Variants in NIPBL observed in about 807,000 individuals in gnomAD.
The protein encoded by NIPBL is nipped-B-like protein.
In NIPBL, 19 loss-of-function variants were observed where a neutral mutation model predicts 321.8. The ratio of observed to expected loss-of-function variants is 0.06; its 90% CI spans 0.04 to 0.09. NIPBL has a LOEUF of 0.09. Ranked by LOEUF, NIPBL falls within the 10% of genes least tolerant of loss-of-function variation. The probability of loss-of-function intolerance (pLI) is 1.00; values close to 1 mark genes in which losing one functional copy is unlikely to be tolerated. For synonymous variants in NIPBL, 1,106 were observed against 1,114.1 expected (o/e 0.99, Z 0.14); for missense variants, 2,210 against 3,327.0 (o/e 0.66, Z 8.26).
chr5:37,065,024 A>C lies in NIPBL; in HGVS notation c.*132A>C. On this transcript the variant is annotated 3_prime_UTR_variant, in exon 47 of 47. Coordinates refer to ENST00000282516, the MANE Select transcript of NIPBL (RefSeq NM_133433.4). ...GAACCTGGGATGCAGGAACAAAAGA[A>C]GGAAATGTTGGGCAAACATTTTTGT... is the stretch of plus-strand genomic sequence containing the variant. 1 of 1,102,786 alleles carries C rather than the reference A, an allele frequency of 9.1e-7. No homozygotes were observed. Among genetic ancestry groups the C allele is most frequent in the Non-Finnish European group, 1.3e-6 (1 of 754,948 alleles). 68.3% of individuals were successfully genotyped at this position (1,102,786 alleles called of 1,614,324 possible).
At chr5:37,027,495 A>G (rs1580516007) in intron 32 of NIPBL, 83 bp downstream of exon 32, 6 of 942,030 alleles carry the variant, frequency 6.4e-6, no homozygotes, top group African/African-American at 1.8e-5. Flanking sequence ...TTTGGACTGT[A>G]TGATTTAAAA....
intron 16 of NIPBL, among the ~76,000 whole-genome samples, chr5:37,005,185 T>A (rs1747282651): frequency 6.6e-6 from 1 of 152,202 alleles, no homozygotes; most frequent in Non-Finnish European, 1.5e-5. Flanking sequence ...ATTGGACACT[T>A]CTGGAATAAA....
In NIPBL at chr5:37,045,344, T is replaced by TC. The variant is rs1282643752; in HGVS notation, c.6344-97dup. 4.4e-6 allele frequency: 4 copies of TC among 908,410 alleles called. No homozygotes were observed. The African/African-American group carries it at 6.8e-5, about 15-fold the overall frequency. 56.3% of individuals were successfully genotyped at this position (908,410 alleles called of 1,614,324 possible). On this transcript the variant is annotated intron_variant, in intron 36 of 46. Transcript: ENST00000282516. ...ACTCCAGCCTGGGTGACAGTGAGAC[T>TC]CCATCTCAAAAAAAAAATTGTAATT...
At chr5:37,045,179 C>A (rs1197906246) in intron 36 of NIPBL, among the ~76,000 whole-genome samples, 1 of 151,970 alleles carries the variant, frequency 6.6e-6, no homozygotes, top group East Asian at 1.9e-4. Context: ...TGGTGAAACC[C>A]CGTCTCTCTA....
chr5:37,032,386 CGTGTGTGTGTGTGTGTGTGTGT>C (rs58831894), intron 32 of NIPBL, among the ~76,000 whole-genome samples: 112 of 123,600 alleles, frequency 9.1e-4, no homozygotes, highest in Admixed American at 1.9e-3. Context: ...TACATGTATA[CGTGTGTGTGTGTGTGTGTGTGT>C]GTGTGTGTGT....
intron 15 of NIPBL, 44 bp from the exon 16 acceptor site, chr5:37,003,217 A>G: frequency 9.0e-7 from 1 of 1,111,806 alleles, no homozygotes; most frequent in Non-Finnish European, 1.4e-6. Flanking sequence ...AATAATATAT[A>G]ACTTTTACCA....
intron 43 of NIPBL, among the ~76,000 whole-genome samples, chr5:37,058,084 A>G (rs1425331159): frequency 1.3e-5 from 2 of 152,182 alleles, no homozygotes; most frequent in South Asian, 2.1e-4. Context: ...AACCCTTACT[A>G]CTTGAAGTAT....
Position 37,061,025 on chromosome 5 carries a change from A to G in NIPBL, c.7860+7A>G. 6.2e-7 allele frequency: 1 copy of G among 1,613,486 alleles called. No individual in the cohort carries two copies. The highest frequency in any genetic ancestry group is 8.5e-7 in the Non-Finnish European group (1 of 1,179,476). ...AGTAAAACAGTATCTAGATGTGAGT[A>G]GTAAAACCAAAAGTTTTTACTTCTC... is the stretch of plus-strand genomic sequence containing the variant. On this transcript the variant is annotated splice_region_variant and intron_variant, in intron 45 of 46. Transcript: ENST00000282516.
chr5:36,995,342 T>C lies in NIPBL; in HGVS notation c.3122-280T>C, dbSNP rs567248274. 5.2e-5 allele frequency: 14 copies of C among 268,106 alleles called. No homozygotes were observed. The Middle Eastern group carries it at 3.6e-3, about 69-fold the overall frequency. The allele number at this position is 268,106 out of a possible 1,614,324, so 16.6% of individuals were successfully genotyped here. ...CAGAAAGTTTTTAGTCAGTGCAAAT[T>C]GAAGGCATTATATCAAAAATGTATT... On this transcript the variant is annotated intron_variant, in intron 10 of 46. Transcript: ENST00000282516.
At chr5:36,968,327 T>G (rs1414220966) in intron 6 of NIPBL, among the ~76,000 whole-genome samples, 1 of 152,064 alleles carries the variant, frequency 6.6e-6, no homozygotes, top group Non-Finnish European at 1.5e-5. Context: ...TTAAGCACTT[T>G]GGGAGGCTGA....
At chr5:36,910,431 A>G (rs1218154471) in intron 1 of NIPBL, among the ~76,000 whole-genome samples, 1 of 152,146 alleles carries the variant, frequency 6.6e-6, no homozygotes, top group Non-Finnish European at 1.5e-5. Context: ...AGAATTTGTC[A>G]TGTTTTAACT....
chr5:36,946,467 C>G (rs987700672), intron 1 of NIPBL, among the ~76,000 whole-genome samples: 2 of 151,870 alleles, frequency 1.3e-5, no homozygotes, highest in African/African-American at 2.4e-5. Flanking sequence ...TTTGTAGAAT[C>G]CTTTTTATAC....
intron 42 of NIPBL, among the ~76,000 whole-genome samples, chr5:37,053,723 A>C (rs74728183): frequency 6.6e-6 from 1 of 152,234 alleles, no homozygotes; most frequent in African/African-American, 2.4e-5. Context: ...CCATAGGCCA[A>C]GAAAACTGAA....
chr5:36,968,378 G>A lies in NIPBL; in HGVS notation c.611-2498G>A, dbSNP rs536029128. Among the ~76,000 whole-genome samples, 4 of 152,052 alleles carry A rather than the reference G, an allele frequency of 2.6e-5. No individual in the cohort carries two copies. The South Asian group carries it at 8.3e-4, about 32-fold the overall frequency. ...AGGTCAGCAGATTGAGACCATCCTC[G>A]CTAACACAGTGAAACCCGTGTGTAC... On this transcript the variant is annotated intron_variant, in intron 6 of 46. Coordinates refer to ENST00000282516, the MANE Select transcript of NIPBL (RefSeq NM_133433.4).
At chr5:36,994,614 T>C (rs1037070234) in intron 10 of NIPBL, among the ~76,000 whole-genome samples, 3 of 152,134 alleles carry the variant, frequency 2.0e-5, no homozygotes, top group Non-Finnish European at 2.9e-5. Flanking sequence ...TTCCAATTCA[T>C]AAAATTTATC....
At chr5:37,033,480 C>A (rs979341888) in intron 32 of NIPBL, among the ~76,000 whole-genome samples, 2 of 150,924 alleles carry the variant, frequency 1.3e-5, no homozygotes, top group Non-Finnish European at 3.0e-5. Context: ...TGCTATAAAA[C>A]AGAAGTGGCA....
At chr5:36,901,862 A>G (rs1322720367) in intron 1 of NIPBL, among the ~76,000 whole-genome samples, 1 of 152,130 alleles carries the variant, frequency 6.6e-6, no homozygotes, top group Non-Finnish European at 1.5e-5. Flanking sequence ...GAACTAGTTT[A>G]CATTCCCACC....
chr5:37,045,547 C>T lies in NIPBL; in HGVS notation c.6448C>T (p.Leu2150=). The T allele has an allele frequency of 6.2e-7, 1 of 1,614,046 alleles. No individual in the cohort carries two copies. Among genetic ancestry groups the T allele is most frequent in the Non-Finnish European group, 8.5e-7 (1 of 1,179,978 alleles). Residue 2150 remains leucine (L), a synonymous_variant, in exon 37 of 47, where the codon CTA becomes TTA. Coordinates refer to ENST00000282516, the MANE Select transcript of NIPBL (RefSeq NM_133433.4). ...TAGATCCCTTTTCACCGTTGGAGCACTATGTCGGCATTTTGATTTTGATCT... is the reference window on the plus strand; with the variant it reads ...TAGATCCCTTTTCACCGTTGGAGCATTATGTCGGCATTTTGATTTTGATCT... ...LLRSLFTVGA[L]CRHFDFDLED...
At chr5:36,971,089 T>A in intron 7 of NIPBL, 53 bp downstream of exon 7, 1 of 1,467,700 alleles carries the variant, frequency 6.8e-7, no homozygotes, top group Non-Finnish European at 9.5e-7. Context: ...ATTTGTCATA[T>A]AACCTAGTAT....
Sources: allele counts gnomAD v4.1 joint callset (sites outside exome capture counted in the v4.1 genomes callset), GRCh38; gene constraint gnomAD v4.1.1; transcripts MANE v1.5; gene names NCBI Gene and HGNC (gene_info 2026-07-23, HGNC 2026-07-21).